The following TMEM117 variants were observed in gnomAD, a reference collection of about 807,000 sequenced individuals.
TMEM117 encodes transmembrane protein 117.
In TMEM117, 27 loss-of-function variants were observed where a neutral mutation model predicts 52.4. That is an observed-to-expected ratio of 0.51 (90% CI 0.38 to 0.71). TMEM117 has a LOEUF of 0.71. Among genes scored for constraint, TMEM117 ranks in the 30% least tolerant of loss-of-function variants. The probability of loss-of-function intolerance (pLI) is 0.00; values close to 1 mark genes in which losing one functional copy is unlikely to be tolerated. For missense variants in TMEM117, 556 were observed against 630.5 expected (o/e 0.88, Z 1.26); for synonymous variants, 215 against 206.3 (o/e 1.04, Z -0.36).
At chr12:44,143,382 A>T in intron 3 of TMEM117, 143 bp from the exon 4 acceptor site, 1 of 516,180 alleles carries the variant, frequency 1.9e-6, no homozygotes, top group Non-Finnish European at 3.4e-6. Flanking sequence ...TTAGACTTCC[A>T]GATTTGTAAG....
At position 43,944,305 on chromosome 12, in the gene TMEM117, A is replaced by T; in HGVS notation, c.373A>T (p.Ile125Leu). ...TCTCTTTCTCTTCATATTTTCTCAC[A>T]TATACAACACGATTCTTCTAATGGA... is the stretch of plus-strand genomic sequence containing the variant. ...TILFLFIFSH[I>L]YNTILLMDGN... Residue 125 changes from isoleucine (I) to leucine (L), a missense_variant, in exon 3 of 8, where the codon ATA becomes TTA. Physicochemically the swap from Ile to Leu is conservative, Grantham distance 5 (BLOSUM62 2). Coordinates refer to ENST00000266534, the MANE Select transcript of TMEM117 (RefSeq NM_032256.3). 1.2e-6 allele frequency: 2 copies of T among 1,612,930 alleles called. No homozygotes were observed. Among genetic ancestry groups the T allele is most frequent in the South Asian group, 2.2e-5 (2 of 91,030 alleles).
At chr12:43,970,188 T>G (rs1458140162) in intron 3 of TMEM117, among the ~76,000 whole-genome samples, 1 of 152,216 alleles carries the variant, frequency 6.6e-6, no homozygotes, top group Non-Finnish European at 1.5e-5. Context: ...CAACAGTGCT[T>G]GTGTTCAAGG....
intron 6 of TMEM117, among the ~76,000 whole-genome samples, chr12:44,325,757 T>C (rs1171832498): frequency 6.6e-6 from 1 of 152,188 alleles, no homozygotes. Flanking sequence ...TGTGTGTGTT[T>C]ATGTCTGTAT....
intron 4 of TMEM117, among the ~76,000 whole-genome samples, chr12:44,148,851 T>C (rs975555672): frequency 6.6e-6 from 1 of 152,156 alleles, no homozygotes; most frequent in Non-Finnish European, 1.5e-5. Context: ...TTCATTTCTT[T>C]TTTCTGGTTC....
chr12:44,248,172 A>T (rs1950154083), intron 5 of TMEM117, among the ~76,000 whole-genome samples: 1 of 151,970 alleles, frequency 6.6e-6, no homozygotes, highest in Non-Finnish European at 1.5e-5. Context: ...GAGCAACTAG[A>T]CCCAGATGGG....
At chr12:44,185,795 A>G (rs1949268786) in intron 4 of TMEM117, among the ~76,000 whole-genome samples, 1 of 151,920 alleles carries the variant, frequency 6.6e-6, no homozygotes, top group Non-Finnish European at 1.5e-5. Context: ...ATGATGCTCA[A>G]GAAAATATGG....
chr12:44,376,158 C>A (rs983734086), intron 6 of TMEM117, among the ~76,000 whole-genome samples: 2 of 152,148 alleles, frequency 1.3e-5, no homozygotes, highest in African/African-American at 4.8e-5. Flanking sequence ...TTAAGTGAAT[C>A]AGATCCTCTT....
chr12:43,923,562 C>T (rs1944729241), intron 2 of TMEM117, among the ~76,000 whole-genome samples: 1 of 152,096 alleles, frequency 6.6e-6, no homozygotes, highest in Non-Finnish European at 1.5e-5. Flanking sequence ...TTCTTCCAGG[C>T]ACTAATGGAT....
At chr12:44,324,769 C>G (rs1025874250) in intron 6 of TMEM117, among the ~76,000 whole-genome samples, 2 of 152,132 alleles carry the variant, frequency 1.3e-5, no homozygotes, top group African/African-American at 4.8e-5. Context: ...ATGTCATTAA[C>G]TATTCTTTCC....
chr12:44,394,150 A>T (rs773821553), downstream of TMEM117, among the ~76,000 whole-genome samples: 40 of 152,172 alleles, frequency 2.6e-4, 1 homozygote, highest in Non-Finnish European at 4.7e-4. Flanking sequence ...CAAATTTATT[A>T]TTTTTAAGAA....
chr12:43,805,880 T>C, the TMEM117 span: 1 of 1,448,480 alleles, frequency 6.9e-7, no homozygotes, highest in Non-Finnish European at 9.2e-7. Flanking sequence ...CTGTCCCAGC[T>C]CTTCCCTACG....
intron 2 of TMEM117, among the ~76,000 whole-genome samples, chr12:43,846,212 G>A (rs77952333): frequency 0.022 from 3,381 of 152,038 alleles, 74 homozygotes; most frequent in East Asian, 0.067. Flanking sequence ...GACTAAATTA[G>A]TTTAAGTTAA....
At chr12:44,212,214 G>C (rs1395648545) in intron 5 of TMEM117, among the ~76,000 whole-genome samples, 1 of 152,164 alleles carries the variant, frequency 6.6e-6, no homozygotes, top group East Asian at 1.9e-4. Flanking sequence ...ATTGTGTGCT[G>C]TTCTGAGTAG....
chr12:44,366,415 G>T (rs1951790152), intron 6 of TMEM117, among the ~76,000 whole-genome samples: 1 of 152,022 alleles, frequency 6.6e-6, no homozygotes, highest in African/African-American at 2.4e-5. Flanking sequence ...TTGACCTCTG[G>T]ACTAACAATA....
intron 5 of TMEM117, among the ~76,000 whole-genome samples, chr12:44,284,870 G>A (rs962107897): frequency 1.1e-4 from 16 of 152,136 alleles, no homozygotes; most frequent in Non-Finnish European, 1.9e-4. Context: ...AACTAAAATG[G>A]TTCTTCCTAA....
At chr12:44,376,843 T>G in intron 7 of TMEM117, 119 bp downstream of exon 7, 1 of 1,137,356 alleles carries the variant, frequency 8.8e-7, no homozygotes, top group South Asian at 1.8e-5. Context: ...TATTTCTCAT[T>G]CACTTAACAG....
chr12:43,859,391 G>A (rs1420362772), intron 2 of TMEM117, among the ~76,000 whole-genome samples: 1 of 152,060 alleles, frequency 6.6e-6, no homozygotes, highest in African/African-American at 2.4e-5. Context: ...AATTGTGAAG[G>A]GTCTGGAATT....
rs542066926 is a variant in TMEM117, at chr12:44,075,935, A to G, written c.411-67590A>G. Among the ~76,000 whole-genome samples, 3 of 152,322 alleles carry G rather than the reference A, an allele frequency of 2.0e-5. No individual in the cohort carries two copies. The East Asian group carries it at 5.8e-4, about 29-fold the overall frequency. ...ACAATTTTGGGATAGCATCAGTGCC[A>G]TAACTTGGTAGACTAGCATTGTCTG... On this transcript the variant is annotated intron_variant, in intron 3 of 7. Transcript: ENST00000266534.
At chr12:43,915,546 A>G (rs761234465) in intron 2 of TMEM117, among the ~76,000 whole-genome samples, 2 of 152,170 alleles carry the variant, frequency 1.3e-5, no homozygotes, top group South Asian at 2.1e-4. Context: ...CCAACTTTGC[A>G]TAGCTAAGTA....
Sources: gnomAD v4.1 joint callset for allele counts (sites outside exome capture counted in the v4.1 genomes callset) on GRCh38, gnomAD v4.1.1 for gene constraint, MANE v1.5 for transcripts, NCBI Gene and HGNC (gene_info 2026-07-23, HGNC 2026-07-21) for gene names.